Variants in ECE1 observed in about 807,000 individuals in gnomAD.
ECE1 encodes the protein endothelin converting enzyme 1, also known as endothelin-converting enzyme 1.
A neutral mutation model predicts 98.6 loss-of-function variants in ECE1; 35 were observed. The observed-to-expected ratio is 0.35, with a 90% CI of 0.27 to 0.47. ECE1 has a LOEUF of 0.47. Ranked by LOEUF, ECE1 falls within the 20% of genes least tolerant of loss-of-function variation. The pLI is 1.00. For missense variants in ECE1, 814 were observed against 1,025.3 expected, an observed-to-expected ratio of 0.79 and a Z score of 2.81; for synonymous variants, 394 against 407.1, an observed-to-expected ratio of 0.97 and a Z score of 0.39.
intron 17 of ECE1, among the ~76,000 whole-genome samples, chr1:21,224,241 A>T (rs1329224425): frequency 6.6e-6 from 1 of 152,010 alleles, no homozygotes; most frequent in Non-Finnish European, 1.5e-5. Context: ...CCTCCCCATT[A>T]TTCCTTTTAC....
rs2098222284 is a variant in ECE1 at position 21,258,161 on chromosome 1, T to C, written c.762+532A>G. 6.6e-6 allele frequency among the ~76,000 whole-genome samples: 1 copy of C among 152,200 alleles called. No homozygotes were observed. The highest frequency in any genetic ancestry group is 2.4e-5 in the African/African-American group (1 of 41,448). On this transcript the variant is annotated intron_variant, in intron 6 of 18. Coordinates refer to ENST00000374893, the MANE Select transcript of ECE1 (RefSeq NM_001397.3). This position sits in a 1 kb window ranked among gnomAD's most constrained non-coding sequence, Gnocchi z 4.2. The stretch of plus-strand genomic sequence containing the variant: ...ATCCATTTGATTTATAAGGTAACTG[T>C]AGCTCTGAGAGGTTGAGGCACTTGC...
intron 1 of ECE1, among the ~76,000 whole-genome samples, chr1:21,318,631 TC>T (rs951187621): frequency 6.6e-6 from 1 of 151,998 alleles, no homozygotes. Context: ...CAGTGAGCCT[TC>T]CTGAGGCCCA....
At chr1:21,331,506 T>C (rs2103412787) in intron 1 of ECE1, among the ~76,000 whole-genome samples, 1 of 151,990 alleles carries the variant, frequency 6.6e-6, no homozygotes, top group Middle Eastern at 3.4e-3. Flanking sequence ...CGCTTGAGTC[T>C]GGGAGGTTGA....
intron 1 of ECE1, among the ~76,000 whole-genome samples, chr1:21,323,720 C>T (rs1375090327): frequency 1.3e-5 from 2 of 151,422 alleles, no homozygotes; most frequent in East Asian, 3.9e-4. Context: ...ATAAATAAGA[C>T]AAATCAAATA....
At chr1:21,262,907 G>C (rs951241470) in intron 4 of ECE1, among the ~76,000 whole-genome samples, 3 of 152,210 alleles carry the variant, frequency 2.0e-5, no homozygotes, top group South Asian at 2.1e-4. Context: ...GGCCGGGTGT[G>C]GGGGACAGTG....
chr1:21,270,125 C>T (rs142512693), intron 4 of ECE1, among the ~76,000 whole-genome samples: 1 of 152,234 alleles, frequency 6.6e-6, no homozygotes, highest in Non-Finnish European at 1.5e-5. Flanking sequence ...CCTGCCCCAT[C>T]CCCTCTAAAT....
intron 1 of ECE1, among the ~76,000 whole-genome samples, chr1:21,296,634 T>A (rs987490861): frequency 6.6e-6 from 1 of 152,234 alleles, no homozygotes; most frequent in Non-Finnish European, 1.5e-5. Context: ...ACAATCACCA[T>A]GTGGGATAAG....
upstream of ECE1, among the ~76,000 whole-genome samples, chr1:21,292,297 C>T (rs371286096): frequency 1.1e-4 from 17 of 150,490 alleles, no homozygotes; most frequent in African/African-American, 3.4e-4. Context: ...GTGCTGCCAG[C>T]GCCCCCTCCC....
upstream of ECE1, among the ~76,000 whole-genome samples, chr1:21,292,743 C>T (rs2103366004): frequency 1.3e-5 from 2 of 152,338 alleles, no homozygotes; most frequent in South Asian, 2.1e-4. Context: ...CTCAAGAACT[C>T]TCCTGCATCT....
chr1:21,286,848 A>G (rs1310354152), intron 2 of ECE1, among the ~76,000 whole-genome samples: 1 of 151,860 alleles, frequency 6.6e-6, no homozygotes, highest in Non-Finnish European at 1.5e-5. Flanking sequence ...ATCACAGGTC[A>G]AGGCTGCTAG....
At chr1:21,257,690 G>T in intron 6 of ECE1, 100 bp from the exon 7 acceptor site, 1 of 1,250,120 alleles carries the variant, frequency 8.0e-7, no homozygotes, top group Non-Finnish European at 1.2e-6. Flanking sequence ...GGCAGCAGAG[G>T]CCCAGCTCAG....
At chr1:21,236,071 A>G (rs1431374195) in intron 12 of ECE1, 144 bp from the exon 13 acceptor site, 5 of 801,642 alleles carry the variant, frequency 6.2e-6, no homozygotes, top group African/African-American at 1.7e-5. Flanking sequence ...CTTTTTCTGG[A>G]AAGGTTTCCC....
intron 1 of ECE1, among the ~76,000 whole-genome samples, chr1:21,313,850 G>A (rs554529821): frequency 1.3e-5 from 2 of 152,290 alleles, no homozygotes; most frequent in East Asian, 3.9e-4. Context: ...CTAAAGAGAG[G>A]CACTGCCAAG....
chr1:21,220,642 C>T lies in ECE1; in HGVS notation c.2137-511G>A, dbSNP rs1487087261. Reference sequence around the variant, plus strand: ...TGAAACCCTGTCTCTACTAAAAATACAAAAATTAGATGGGCGTGGTGGTGC... The same window carrying T: ...TGAAACCCTGTCTCTACTAAAAATATAAAAATTAGATGGGCGTGGTGGTGC... On this transcript the variant is annotated intron_variant, in intron 18 of 18. Transcript: ENST00000374893. The surrounding 1 kb of genome is among the most constrained non-coding windows in gnomAD (Gnocchi z 5.0). Among the ~76,000 whole-genome samples the T allele has an allele frequency of 6.6e-6, 1 of 151,994 alleles. No individual in the cohort carries two copies. Among genetic ancestry groups the T allele is most frequent in the African/African-American group, 2.4e-5 (1 of 41,394 alleles).
chr1:21,328,764 GAAAAAAAAA>G (rs35883969), intron 1 of ECE1, among the ~76,000 whole-genome samples: 1 of 50,226 alleles, frequency 2.0e-5, no homozygotes, highest in Non-Finnish European at 3.9e-5. Context: ...CCTCCATCTC[GAAAAAAAAA>G]AAAAAAAAAA....
chr1:21,235,921 C>T lies in ECE1; in HGVS notation c.1495G>A (p.Ala499Thr). 1.2e-6 allele frequency: 2 copies of T among 1,614,170 alleles called. No homozygotes were observed. The highest frequency in any genetic ancestry group is 1.7e-6 in the Non-Finnish European group (2 of 1,179,998). The change falls in exon 13 of 19, where the codon GCC (alanine) becomes ACC (threonine). Residue 499 changes from alanine to threonine, a missense_variant. Physicochemically the swap from Ala to Thr is moderately conservative, Grantham distance 58. Transcript: ENST00000374893. The surrounding 1 kb of genome is among the most constrained non-coding windows in gnomAD (Gnocchi z 4.2). ...GGGTATCCTATCATGTTGTAGATGG[C>T]ATCGGCCTGGACAGGACAGACAGAG... ...TRKSAKEKADAIYNMIGYPNF... is the reference protein window; with the variant it reads ...TRKSAKEKADTIYNMIGYPNF...
Position 21,255,879 on chromosome 1 carries a change from C to T in ECE1, c.1020+68G>A, listed in dbSNP as rs1573973408. On this transcript the variant is annotated intron_variant, in intron 8 of 18. Transcript: ENST00000374893. ...CTAGATGAAATGAGTATAAAAGCCC[C>T]CAGTCCAGGGCCCTGTCTGAAACCT... is the stretch of plus-strand genomic sequence containing the variant. 2.0e-6 allele frequency: 3 copies of T among 1,537,294 alleles called. No individual in the cohort carries two copies. The Admixed American group carries it at 5.1e-5, about 26-fold the overall frequency.
In ECE1 at chr1:21,235,791, T is replaced by C; in HGVS notation, c.1566+59A>G. On this transcript the variant is annotated intron_variant, in intron 13 of 18. Coordinates refer to ENST00000374893, the MANE Select transcript of ECE1 (RefSeq NM_001397.3). This position sits in a 1 kb window ranked among gnomAD's most constrained non-coding sequence, Gnocchi z 4.2. ...CACCCCATCTGGACCCAGCCCTGCC[T>C]CGGCCCTTTTCTAAGGGGGCATTTA... The C allele has an allele frequency of 6.4e-7, 1 of 1,562,274 alleles. No homozygotes were observed. Among genetic ancestry groups the C allele is most frequent in the South Asian group, 1.1e-5 (1 of 90,032 alleles).
chr1:21,290,991 G>C (rs1361202917), upstream of ECE1, among the ~76,000 whole-genome samples: 2 of 152,134 alleles, frequency 1.3e-5, no homozygotes, highest in Non-Finnish European at 2.9e-5. This position sits in a 1 kb window ranked among gnomAD's most constrained non-coding sequence, Gnocchi z 7.3. Context: ...ATGGCTGCAG[G>C]GTGGTCCGGT....
Sources: allele counts gnomAD v4.1 joint callset (sites outside exome capture counted in the v4.1 genomes callset), GRCh38; gene constraint gnomAD v4.1.1; non-coding constraint Gnocchi (gnomAD v3.1); transcripts MANE v1.5; gene names NCBI Gene and HGNC (gene_info 2026-07-23, HGNC 2026-07-21).